The following ACYP2 variants were observed in gnomAD, a reference collection of about 807,000 sequenced individuals.
ACYP2 encodes acylphosphatase-2.
ACYP2 carries 12 observed loss-of-function variants against 11.2 expected under a neutral mutation model. The observed-to-expected ratio is 1.08, with a 90% CI of 0.69 to 1.74. The LOEUF (loss-of-function observed/expected upper bound fraction) is 1.74, where lower values mean the gene tolerates loss of function less well. Ranked by LOEUF, ACYP2 falls within the 40% of genes most tolerant of loss-of-function variation. The pLI, the probability that ACYP2 is intolerant of heterozygous loss-of-function variation, is 0.00. For synonymous variants in ACYP2, 43 were observed against 32.2 expected, an observed-to-expected ratio of 1.33 and a Z score of -1.13; for missense variants, 134 against 101.9, an observed-to-expected ratio of 1.31 and a Z score of -1.35.
intron 6 of ACYP2, among the ~76,000 whole-genome samples, chr2:54,170,152 C>T (rs991696396): frequency 2.6e-5 from 4 of 151,952 alleles, no homozygotes; most frequent in Admixed American, 2.6e-4. Context: ...TCCAGTTGTT[C>T]ATTTCTTCTT....
At chr2:54,242,972 C>T (rs1476737845) in intron 6 of ACYP2, among the ~76,000 whole-genome samples, 1 of 152,084 alleles carries the variant, frequency 6.6e-6, no homozygotes, top group Non-Finnish European at 1.5e-5. Flanking sequence ...AATTTGCAAC[C>T]CTTTGGTTAC....
intron 4 of ACYP2, among the ~76,000 whole-genome samples, chr2:54,102,678 T>C (rs1430371281): frequency 1.2e-5 from 1 of 84,664 alleles, no homozygotes. Flanking sequence ...AAAAAAAGAA[T>C]ATATTGGCTC....
At chr2:54,171,650 T>C (rs921750908) in intron 6 of ACYP2, among the ~76,000 whole-genome samples, 10 of 152,218 alleles carry the variant, frequency 6.6e-5, no homozygotes, top group African/African-American at 2.4e-4. Context: ...TAGTTTTTTT[T>C]TCCTGTAAGA....
intron 6 of ACYP2, among the ~76,000 whole-genome samples, chr2:54,221,545 C>T (rs1379484969): frequency 7.8e-5 from 6 of 77,250 alleles, no homozygotes; most frequent in Admixed American, 1.3e-4. Flanking sequence ...TTTTTAAACA[C>T]GGTCTCTCTC....
chr2:54,205,107 C>A (rs1467062767), intron 6 of ACYP2, among the ~76,000 whole-genome samples: 2 of 152,182 alleles, frequency 1.3e-5, no homozygotes, highest in African/African-American at 2.4e-5. Flanking sequence ...ATTCTGGTTT[C>A]CCTCCTTTGA....
chr2:54,034,383 A>C (rs115963688), intron 2 of ACYP2, among the ~76,000 whole-genome samples: 2,080 of 152,116 alleles, frequency 0.014, 43 homozygotes, highest in African/African-American at 0.046. Context: ...AGACTATAAT[A>C]CTGTATTTGT....
At chr2:54,012,833 G>A (rs1018944527) in intron 2 of ACYP2, among the ~76,000 whole-genome samples, 2 of 152,090 alleles carry the variant, frequency 1.3e-5, no homozygotes, top group African/African-American at 4.8e-5. Context: ...TCTTGGCGCT[G>A]GAGTGGCTTC....
rs541352544 is a variant in ACYP2, at chr2:53,984,405, C to G, written c.62+10595C>G. On this transcript the variant is annotated intron_variant, in intron 2 of 6. Coordinates refer to ENST00000607452, the MANE Select transcript of ACYP2 (RefSeq NM_001320586.2). ...CTAGCCTGGCCAGCATGGTGAAACT[C>G]CATCTCTACTCAAAATACAAAATTA... is the stretch of plus-strand genomic sequence containing the variant. 3.3e-5 allele frequency among the ~76,000 whole-genome samples: 5 copies of G among 151,888 alleles called. No homozygotes were observed. In the South Asian group the frequency reaches 8.3e-4, roughly 25 times the overall value.
At chr2:54,158,371 C>T (rs188853328) in intron 6 of ACYP2, among the ~76,000 whole-genome samples, 1 of 151,732 alleles carries the variant, frequency 6.6e-6, no homozygotes, top group African/African-American at 2.4e-5. Flanking sequence ...CCTCTTTTTG[C>T]CCTTATTTTA....
At chr2:54,015,669 A>T (rs1397524525) in intron 2 of ACYP2, among the ~76,000 whole-genome samples, 1 of 151,678 alleles carries the variant, frequency 6.6e-6, no homozygotes, top group Non-Finnish European at 1.5e-5. Context: ...ACACACACAC[A>T]CACACACACA....
chr2:54,153,838 G>A (rs1421249389), intron 6 of ACYP2, among the ~76,000 whole-genome samples: 1 of 152,020 alleles, frequency 6.6e-6, no homozygotes, highest in African/African-American at 2.4e-5. Flanking sequence ...CTGACCTCGT[G>A]ATCTGCCTGC....
chr2:54,111,227 C>CT (rs1485273941), intron 4 of ACYP2, among the ~76,000 whole-genome samples: 1 of 152,178 alleles, frequency 6.6e-6, no homozygotes, highest in Non-Finnish European at 1.5e-5. Flanking sequence ...GGGTGAAGCT[C>CT]TGAGTCCCTA....
chr2:54,089,402 A>G (rs1319801770), intron 4 of ACYP2, among the ~76,000 whole-genome samples: 1 of 151,896 alleles, frequency 6.6e-6, no homozygotes, highest in Non-Finnish European at 1.5e-5. Context: ...TCAGATATAT[A>G]TATATATATA....
chr2:54,013,604 T>C (rs1673515565), intron 2 of ACYP2, among the ~76,000 whole-genome samples: 1 of 151,784 alleles, frequency 6.6e-6, no homozygotes, highest in Non-Finnish European at 1.5e-5. Context: ...ACGGCCACCA[T>C]CTAATAAACT....
intron 2 of ACYP2, among the ~76,000 whole-genome samples, chr2:54,007,709 A>G (rs1378659569): frequency 6.6e-6 from 1 of 152,178 alleles, no homozygotes; most frequent in East Asian, 1.9e-4. Flanking sequence ...TACTAAAAGT[A>G]TAAAAATTAG....
chr2:54,236,975 G>T (rs1686508988), intron 6 of ACYP2, among the ~76,000 whole-genome samples: 1 of 152,030 alleles, frequency 6.6e-6, no homozygotes, highest in South Asian at 2.1e-4. Context: ...AAAAATATTT[G>T]GGAAAAAATT....
At chr2:54,173,960 T>C (rs186562604) in intron 6 of ACYP2, among the ~76,000 whole-genome samples, 238 of 152,294 alleles carry the variant, frequency 1.6e-3, no homozygotes, top group African/African-American at 5.5e-3. Flanking sequence ...TGAAGTCAGG[T>C]AGTGTGATGC....
chr2:54,285,220 A>C (rs1689025949), intron 6 of ACYP2, among the ~76,000 whole-genome samples: 1 of 152,192 alleles, frequency 6.6e-6, no homozygotes, highest in Non-Finnish European at 1.5e-5. Context: ...TCTCTTAATA[A>C]CAACACATTA....
At chr2:54,213,277 T>G (rs1167883882) in intron 6 of ACYP2, among the ~76,000 whole-genome samples, 2 of 152,208 alleles carry the variant, frequency 1.3e-5, no homozygotes, top group African/African-American at 4.8e-5. Flanking sequence ...ATTTCACTCT[T>G]TTTTGTGGCT....
Sources: gnomAD v4.1 joint callset for allele counts (sites outside exome capture counted in the v4.1 genomes callset) on GRCh38, gnomAD v4.1.1 for gene constraint, MANE v1.5 for transcripts, NCBI Gene and HGNC (gene_info 2026-07-23, HGNC 2026-07-21) for gene names.